The following WWOX variants were observed in gnomAD, a reference collection of about 807,000 sequenced individuals.
WWOX encodes the protein WW domain-containing oxidoreductase.
WWOX carries 69 observed loss-of-function variants against 46.2 expected under a neutral mutation model. That is an observed-to-expected ratio of 1.49 (90% CI 1.23 to 1.82). WWOX has a LOEUF of 1.82. Ranked by LOEUF, WWOX falls within the 40% of genes most tolerant of loss-of-function variation. WWOX has a pLI of 0.00. For synonymous variants in WWOX, 359 were observed against 202.6 expected (o/e 1.77, Z -6.56); for missense variants, 919 against 542.6 (o/e 1.69, Z -6.89).
intron 5 of WWOX, among the ~76,000 whole-genome samples, chr16:78,317,008 C>T (rs1260584942): frequency 1.3e-5 from 2 of 152,140 alleles, no homozygotes; most frequent in East Asian, 3.9e-4. Flanking sequence ...AGGAAAGTTG[C>T]TTTTTGGAAG....
intron 8 of WWOX, among the ~76,000 whole-genome samples, chr16:79,186,222 G>C (rs898210777): frequency 6.6e-6 from 1 of 152,254 alleles, no homozygotes; most frequent in East Asian, 1.9e-4. Flanking sequence ...TTCAGTGTGT[G>C]CTTCCCATGG....
chr16:78,480,041 C>G (rs554873265), intron 8 of WWOX, among the ~76,000 whole-genome samples: 2 of 152,292 alleles, frequency 1.3e-5, no homozygotes, highest in East Asian at 3.9e-4. Context: ...TCGAAGGCAA[C>G]TAGGTGGATT....
chr16:78,573,968 G>C (rs954684105), intron 8 of WWOX, among the ~76,000 whole-genome samples: 15 of 152,176 alleles, frequency 9.9e-5, no homozygotes, highest in African/African-American at 3.6e-4. Flanking sequence ...ATCATATATT[G>C]GCCAGGGTGT....
At position 78,812,549 on chromosome 16, in the gene WWOX, C is replaced by A. The variant is rs1423800915; in HGVS notation, c.1056+379797C>A. On this transcript the variant is annotated intron_variant, in intron 8 of 8. Coordinates refer to ENST00000566780, the MANE Select transcript of WWOX (RefSeq NM_016373.4). ...CCAGCCTGGCCAACATGGCGAAACT[C>A]CTTCTCTACTAAAAATAAAAAAAAA... Among the ~76,000 whole-genome samples the A allele has an allele frequency of 2.6e-5, 4 of 151,860 alleles. No homozygotes were observed. The East Asian group carries it at 7.7e-4, about 29-fold the overall frequency.
Position 78,753,856 on chromosome 16 carries a change from G to GTA in WWOX, c.1056+321108_1056+321109dup, listed in dbSNP as rs1264626542. Among the ~76,000 whole-genome samples, 9 of 59,324 alleles carry GTA rather than the reference G, an allele frequency of 1.5e-4. No individual in the cohort carries two copies. The South Asian group carries it at 2.9e-3, about 19-fold the overall frequency. 38.9% of individuals were successfully genotyped at this position (59,324 alleles called of 152,430 possible). A position where few individuals can be genotyped will look rare whatever the true frequency, so the allele number is the denominator to read the frequency against. On this transcript the variant is annotated intron_variant, in intron 8 of 8. Transcript: ENST00000566780. ...TATATATATATATATATATATATAT[G>GTA]TATATGTATATGTATATATAAATTT...
intron 6 of WWOX, among the ~76,000 whole-genome samples, chr16:78,404,090 A>G (rs1004808541): frequency 4.6e-5 from 7 of 152,186 alleles, no homozygotes; most frequent in Admixed American, 2.6e-4. Flanking sequence ...TTTCCAGTGC[A>G]ATTTTATAAA....
At chr16:78,726,741 G>C (rs572727125) in intron 8 of WWOX, among the ~76,000 whole-genome samples, 4 of 151,338 alleles carry the variant, frequency 2.6e-5, no homozygotes, top group Non-Finnish European at 5.9e-5. Context: ...TTTTTTGCCA[G>C]GGGATGCTGT....
chr16:78,721,622 C>T (rs1430024376), intron 8 of WWOX, among the ~76,000 whole-genome samples: 2 of 152,136 alleles, frequency 1.3e-5, no homozygotes, highest in South Asian at 2.1e-4. Context: ...AGGACATGTG[C>T]TTTGAAATTT....
At chr16:79,022,057 CAAAG>C (rs1321794357) in intron 8 of WWOX, among the ~76,000 whole-genome samples, 2 of 152,166 alleles carry the variant, frequency 1.3e-5, no homozygotes, top group Admixed American at 6.5e-5. Context: ...TAGGCAAAGA[CAAAG>C]AGAGATGGGG....
chr16:78,434,276 G>A (rs573592626), intron 8 of WWOX, among the ~76,000 whole-genome samples: 6 of 152,218 alleles, frequency 3.9e-5, no homozygotes, highest in South Asian at 4.2e-4. Flanking sequence ...GTTCCATGCC[G>A]CAGGGTGGGA....
chr16:79,205,379 C>T (rs189909911), intron 8 of WWOX: 1 of 152,286 alleles, frequency 6.6e-6, no homozygotes, highest in East Asian at 1.9e-4. Flanking sequence ...GGTTTTTCTA[C>T]CTTTGTGAAC....
At chr16:78,970,376 A>G (rs1352362516) in intron 8 of WWOX, among the ~76,000 whole-genome samples, 1 of 152,216 alleles carries the variant, frequency 6.6e-6, no homozygotes, top group Admixed American at 6.5e-5. Flanking sequence ...ATCAATTAGC[A>G]TAACCTCATG....
chr16:78,381,946 G>C (rs1044485279), intron 5 of WWOX, among the ~76,000 whole-genome samples: 2 of 152,198 alleles, frequency 1.3e-5, no homozygotes, highest in Non-Finnish European at 1.5e-5. Context: ...TCTCACGGCA[G>C]CCTCGACTTT....
At chr16:79,082,830 G>A (rs1453520367) in intron 8 of WWOX, among the ~76,000 whole-genome samples, 8 of 152,128 alleles carry the variant, frequency 5.3e-5, no homozygotes, top group South Asian at 2.1e-4. Context: ...TATACCTTGT[G>A]TGTGCTTACA....
At chr16:79,077,005 G>T (rs965725875) in intron 8 of WWOX, among the ~76,000 whole-genome samples, 2 of 152,148 alleles carry the variant, frequency 1.3e-5, no homozygotes, top group African/African-American at 4.8e-5. Flanking sequence ...TGTATGAAAT[G>T]ACTGTTTTTA....
At chr16:78,577,065 T>C (rs961577006) in intron 8 of WWOX, among the ~76,000 whole-genome samples, 2 of 152,184 alleles carry the variant, frequency 1.3e-5, no homozygotes, top group African/African-American at 4.8e-5. Context: ...ATTCTATAGC[T>C]CAGGTTGAAA....
At chr16:78,662,828 G>T (rs1311233713) in intron 8 of WWOX, among the ~76,000 whole-genome samples, 2 of 152,094 alleles carry the variant, frequency 1.3e-5, no homozygotes, top group Non-Finnish European at 2.9e-5. Context: ...CTTTTTGGCT[G>T]TTGGTTGTTG....
At chr16:78,658,332 A>T (rs1429691708) in intron 8 of WWOX, among the ~76,000 whole-genome samples, 1 of 152,202 alleles carries the variant, frequency 6.6e-6, no homozygotes, top group Admixed American at 6.5e-5. Context: ...TACTTTACTA[A>T]TGGTCATTAT....
chr16:78,747,132 C>CTT (rs2049366730), intron 8 of WWOX, among the ~76,000 whole-genome samples: 1 of 151,700 alleles, frequency 6.6e-6, no homozygotes, highest in Admixed American at 6.6e-5. Context: ...TGCTTCAAGG[C>CTT]TTTTGTACAT....
Sources: allele counts gnomAD v4.1 joint callset (sites outside exome capture counted in the v4.1 genomes callset), GRCh38; gene constraint gnomAD v4.1.1; transcripts MANE v1.5; gene names NCBI Gene and HGNC (gene_info 2026-07-23, HGNC 2026-07-21).